WWOX: variants seen among roughly 807,000 people sequenced by gnomAD.
WWOX encodes WW domain-containing oxidoreductase.
WWOX carries 69 observed loss-of-function variants against 46.2 expected under a neutral mutation model. The observed-to-expected ratio is 1.49, with a 90% CI of 1.23 to 1.82. The LOEUF (loss-of-function observed/expected upper bound fraction) is 1.82, where lower values mean the gene tolerates loss of function less well. Ranked by LOEUF, WWOX falls within the 40% of genes most tolerant of loss-of-function variation. WWOX has a pLI of 0.00. For synonymous variants in WWOX, 359 were observed against 202.6 expected, an observed-to-expected ratio of 1.77 and a Z score of -6.56; for missense variants, 919 against 542.6, an observed-to-expected ratio of 1.69 and a Z score of -6.89.
intron 5 of WWOX, among the ~76,000 whole-genome samples, chr16:78,310,697 A>G (rs2080224025): frequency 6.6e-6 from 1 of 152,242 alleles, no homozygotes; most frequent in African/African-American, 2.4e-5. Flanking sequence ...ACCTTGCTCT[A>G]GAGATTTGGC....
chr16:79,031,575 C>A (rs1006139768), intron 8 of WWOX, among the ~76,000 whole-genome samples: 3 of 151,864 alleles, frequency 2.0e-5, no homozygotes, highest in Non-Finnish European at 4.4e-5. Flanking sequence ...CTTGATTGAT[C>A]TGGGCATATG....
intron 8 of WWOX, among the ~76,000 whole-genome samples, chr16:78,902,338 C>T (rs1181173944): frequency 6.6e-6 from 1 of 152,222 alleles, no homozygotes; most frequent in Non-Finnish European, 1.5e-5. Flanking sequence ...TGTTCTGAGG[C>T]ATATTATTCC....
At chr16:78,956,608 C>T (rs1369894486) in intron 8 of WWOX, among the ~76,000 whole-genome samples, 1 of 148,264 alleles carries the variant, frequency 6.7e-6, no homozygotes, top group Non-Finnish European at 1.5e-5. Context: ...TGTATCATAT[C>T]ATATCATGTC....
chr16:78,903,741 A>G (rs1485951813), intron 8 of WWOX, among the ~76,000 whole-genome samples: 2 of 152,192 alleles, frequency 1.3e-5, no homozygotes, highest in Non-Finnish European at 2.9e-5. Context: ...GCCATCCATT[A>G]TGCATAGTAC....
chr16:78,470,031 G>A (rs748988618), intron 8 of WWOX, among the ~76,000 whole-genome samples: 1 of 152,220 alleles, frequency 6.6e-6, no homozygotes, highest in Non-Finnish European at 1.5e-5. Flanking sequence ...GATAGTAGAA[G>A]TTTATTTCTT....
At chr16:78,609,835 A>G (rs2045856066) in intron 8 of WWOX, among the ~76,000 whole-genome samples, 1 of 152,208 alleles carries the variant, frequency 6.6e-6, no homozygotes, top group African/African-American at 2.4e-5. Context: ...GTGATTTAAA[A>G]ATGTGCGTGT....
chr16:78,352,857 G>T (rs2081212108), intron 5 of WWOX, among the ~76,000 whole-genome samples: 1 of 152,106 alleles, frequency 6.6e-6, no homozygotes, highest in Admixed American at 6.6e-5. Flanking sequence ...TGGATTGGCG[G>T]TTGATTGAAT....
chr16:78,537,922 C>A (rs1343912261), intron 8 of WWOX, among the ~76,000 whole-genome samples: 1 of 152,026 alleles, frequency 6.6e-6, no homozygotes, highest in African/African-American at 2.4e-5. Context: ...TGCTTTTCAC[C>A]TTACAGCAGC....
At chr16:78,992,920 G>A (rs4888006) in intron 8 of WWOX, among the ~76,000 whole-genome samples, 149,005 of 151,946 alleles carry the variant, frequency 0.98, 73,143 homozygotes, top group South Asian at 1. Context: ...ATATATCTAC[G>A]TATAATTTTT....
chr16:79,105,506 A>G (rs940418234), intron 8 of WWOX, among the ~76,000 whole-genome samples: 5 of 152,140 alleles, frequency 3.3e-5, no homozygotes, highest in African/African-American at 1.2e-4. Context: ...ACCCATATCA[A>G]TATCTATATT....
Position 78,767,722 on chromosome 16 carries a change from C to T in WWOX, c.1056+334970C>T, listed in dbSNP as rs565551348. Among the ~76,000 whole-genome samples the T allele has an allele frequency of 9.2e-5, 14 of 152,150 alleles. No homozygotes were observed. The South Asian group carries it at 2.9e-3, about 32-fold the overall frequency. ...GGATTCTAGTTGCTCCACATCTACC[C>T]AATACTTATTTTACTTAAAAAAATA... On this transcript the variant is annotated intron_variant, in intron 8 of 8. Coordinates refer to ENST00000566780, the MANE Select transcript of WWOX (RefSeq NM_016373.4).
intron 8 of WWOX, among the ~76,000 whole-genome samples, chr16:78,918,482 C>T (rs1332889575): frequency 3.9e-5 from 6 of 152,070 alleles, no homozygotes; most frequent in Admixed American, 2.6e-4. Flanking sequence ...TCAGGACCCA[C>T]GTCTTTTGTC....
At chr16:78,920,705 CAGAG>C (rs934327210) in intron 8 of WWOX, among the ~76,000 whole-genome samples, 5 of 152,104 alleles carry the variant, frequency 3.3e-5, no homozygotes, top group African/African-American at 9.7e-5. Context: ...GTGATGGAGA[CAGAG>C]AGAGAAAGTG....
intron 8 of WWOX, among the ~76,000 whole-genome samples, chr16:78,483,784 T>C (rs973532711): frequency 6.6e-6 from 1 of 152,114 alleles, no homozygotes; most frequent in Non-Finnish European, 1.5e-5. Context: ...TCAAGGCTCT[T>C]CTTGTTTATT....
intron 8 of WWOX, among the ~76,000 whole-genome samples, chr16:79,078,576 C>T (rs1412252711): frequency 6.6e-6 from 1 of 152,204 alleles, no homozygotes; most frequent in Non-Finnish European, 1.5e-5. Context: ...AAGCATCCCT[C>T]GCCATAGGAG....
intron 5 of WWOX, among the ~76,000 whole-genome samples, chr16:78,186,910 G>C (rs1597326554): frequency 6.6e-6 from 1 of 152,208 alleles, no homozygotes; most frequent in East Asian, 1.9e-4. Context: ...TAACAATCAA[G>C]TCTGGGAAAT....
intron 8 of WWOX, among the ~76,000 whole-genome samples, chr16:78,796,870 G>T (rs138893803): frequency 2.5e-4 from 38 of 149,266 alleles, no homozygotes; most frequent in African/African-American, 8.9e-4. Context: ...CTGTCACCTA[G>T]GCTGGAGTGC....
chr16:78,470,158 T>G (rs986964683), intron 8 of WWOX, among the ~76,000 whole-genome samples: 2 of 152,346 alleles, frequency 1.3e-5, no homozygotes, highest in East Asian at 3.9e-4. Flanking sequence ...ACATGTGGCT[T>G]CCAGCACTGC....
At chr16:78,759,204 G>A (rs1348163872) in intron 8 of WWOX, among the ~76,000 whole-genome samples, 1 of 152,134 alleles carries the variant, frequency 6.6e-6, no homozygotes, top group Non-Finnish European at 1.5e-5. Context: ...AGAAGTGTTA[G>A]AACAGGGTAA....
Sources: gnomAD v4.1 joint callset for allele counts (sites outside exome capture counted in the v4.1 genomes callset) on GRCh38, gnomAD v4.1.1 for gene constraint, MANE v1.5 for transcripts, NCBI Gene and HGNC (gene_info 2026-07-23, HGNC 2026-07-21) for gene names.